FAM167A: variants seen among roughly 807,000 people sequenced by gnomAD.
FAM167A encodes family with sequence similarity 167 member A.
In FAM167A, 23 loss-of-function variants were observed where a neutral mutation model predicts 14.9. The ratio of observed to expected loss-of-function variants is 1.55; its 90% CI spans 1.11 to 2.19. FAM167A has a LOEUF of 2.19. Among genes scored for constraint, FAM167A ranks in the 30% most tolerant of loss-of-function variants. FAM167A has a pLI of 0.00. For synonymous variants in FAM167A, 174 were observed against 117.7 expected, an observed-to-expected ratio of 1.48 and a Z score of -3.10; for missense variants, 401 against 281.5, an observed-to-expected ratio of 1.42 and a Z score of -3.04.
intron 2 of FAM167A, chr8:11,435,082 G>A (rs959949097): frequency 2.2e-6 from 1 of 456,766 alleles, no homozygotes; most frequent in Non-Finnish European, 4.4e-6. Flanking sequence ...AGGTCTCCCT[G>A]CTTCTTCAAA....
chr8:11,425,671 C>A (rs181043853), intron 2 of FAM167A, among the ~76,000 whole-genome samples: 17 of 151,986 alleles, frequency 1.1e-4, no homozygotes, highest in Non-Finnish European at 2.4e-4. Context: ...TTGTTATACC[C>A]CCCCTTGCTG....
chr8:11,448,512 C>G (rs1167146337), intron 1 of FAM167A, among the ~76,000 whole-genome samples: 1 of 152,210 alleles, frequency 6.6e-6, no homozygotes, highest in Non-Finnish European at 1.5e-5. Context: ...CTGCACTGAG[C>G]AGACACTCTG....
intron 2 of FAM167A, among the ~76,000 whole-genome samples, chr8:11,437,866 C>A (rs1806139142): frequency 6.7e-6 from 1 of 148,356 alleles, no homozygotes; most frequent in Admixed American, 6.6e-5. Flanking sequence ...ATCTGGCTGC[C>A]AAGGAAGTGA....
intron 1 of FAM167A, among the ~76,000 whole-genome samples, chr8:11,454,952 T>C (rs1807170723): frequency 6.6e-6 from 1 of 151,590 alleles, no homozygotes; most frequent in East Asian, 1.9e-4. Context: ...CCATGGCAAC[T>C]GAGCAGGAGG....
At chr8:11,446,112 G>C (rs894417416) in intron 1 of FAM167A, among the ~76,000 whole-genome samples, 4 of 152,038 alleles carry the variant, frequency 2.6e-5, no homozygotes, top group Non-Finnish European at 5.9e-5. Context: ...GAGGATAGGA[G>C]GGAAAAGAAT....
intron 1 of FAM167A, among the ~76,000 whole-genome samples, chr8:11,461,883 GC>G (rs1380647061): frequency 6.6e-6 from 1 of 152,228 alleles, no homozygotes; most frequent in Admixed American, 6.5e-5. Context: ...CTGTGCTTAT[GC>G]CAACTGGGCA....
intron 2 of FAM167A, among the ~76,000 whole-genome samples, chr8:11,431,464 G>A (rs1298481942): frequency 1.3e-5 from 2 of 152,224 alleles, no homozygotes; most frequent in African/African-American, 4.8e-5. Flanking sequence ...ATGGATGGTG[G>A]TGACGGCTGC....
chr8:11,455,732 G>A (rs1310951383), intron 1 of FAM167A, among the ~76,000 whole-genome samples: 9 of 25,628 alleles, frequency 3.5e-4, no homozygotes, highest in Non-Finnish European at 8.6e-4. Flanking sequence ...TGTGAGTGTC[G>A]GGGGTGGTTG....
At position 11,422,697 on chromosome 8, in the gene FAM167A, A is replaced by C. The variant is rs1198664551; in HGVS notation, c.*1676T>G. 6.6e-6 allele frequency: 1 copy of C among 152,222 alleles called. No individual in the cohort carries two copies. Among genetic ancestry groups the C allele is most frequent in the East Asian group, 1.9e-4 (1 of 5,196 alleles). 9.4% of individuals were successfully genotyped at this position (152,222 alleles called of 1,614,324 possible). A position where few individuals can be genotyped will look rare whatever the true frequency, so the allele number is the denominator to read the frequency against. On this transcript the variant is annotated 3_prime_UTR_variant, in exon 3 of 3. Coordinates refer to ENST00000284486, the MANE Select transcript of FAM167A (RefSeq NM_053279.3). Reference sequence around the variant, plus strand: ...ATTTGCATTGTCCTACTCTCAGCCCACAAAAGAAAAGCAACCTCTCCCCTA... The same window carrying C: ...ATTTGCATTGTCCTACTCTCAGCCCCCAAAAGAAAAGCAACCTCTCCCCTA...
At chr8:11,427,913 G>C (rs934860854) in intron 2 of FAM167A, among the ~76,000 whole-genome samples, 1 of 152,162 alleles carries the variant, frequency 6.6e-6, no homozygotes, top group Non-Finnish European at 1.5e-5. Flanking sequence ...AGGGTGGCTG[G>C]TCATTTGTTT....
rs1251985006 is a variant in FAM167A, at chr8:11,444,507, C to T, written c.-96G>A. 4.7e-6 allele frequency: 7 copies of T among 1,486,184 alleles called. No individual in the cohort carries two copies. The East Asian group carries it at 1.2e-4, about 25-fold the overall frequency. The allele number at this position is 1,486,184 out of a possible 1,614,324, so 92.1% of individuals were successfully genotyped here. On this transcript the variant is annotated 5_prime_UTR_variant, in exon 2 of 3. Transcript: ENST00000284486. ...CAGTTGGGTCCCGCTCTGGGATGGCCTCATCCAGGTGCCCGAGGGCATTTC... is the reference window on the plus strand; with the variant it reads ...CAGTTGGGTCCCGCTCTGGGATGGCTTCATCCAGGTGCCCGAGGGCATTTC...
At chr8:11,465,026 G>T (rs768943865) in intron 1 of FAM167A, among the ~76,000 whole-genome samples, 9 of 152,196 alleles carry the variant, frequency 5.9e-5, no homozygotes, top group Non-Finnish European at 1.2e-4. Context: ...GAGTCTGGGG[G>T]CTCTGGGCAG....
At chr8:11,445,460 T>C (rs1018812932) in intron 1 of FAM167A, 3 of 985,696 alleles carry the variant, frequency 3.0e-6, no homozygotes, top group Non-Finnish European at 3.6e-6. Context: ...CCTGCAGCTG[T>C]GGAGGGAAGA....
intron 2 of FAM167A, among the ~76,000 whole-genome samples, chr8:11,428,270 G>A (rs572574848): frequency 6.6e-6 from 1 of 152,266 alleles, no homozygotes; most frequent in African/African-American, 2.4e-5. Context: ...GGAAGGAAGG[G>A]GCTGTTTTTC....
At position 11,423,980 on chromosome 8, in the gene FAM167A, G is replaced by C. The variant is rs1258302577; in HGVS notation, c.*393C>G. 1 of 210,434 alleles carries C rather than the reference G, an allele frequency of 4.8e-6. No individual in the cohort carries two copies. Among genetic ancestry groups the C allele is most frequent in the Non-Finnish European group, 9.6e-6 (1 of 103,724 alleles). 13.0% of individuals were successfully genotyped at this position (210,434 alleles called of 1,614,324 possible). ...GCCTAATTTCCCCCAAGGCCCTTGC[G>C]GGACAGCCTTCTGCAAAAATGACAG... On this transcript the variant is annotated 3_prime_UTR_variant, in exon 3 of 3. Transcript: ENST00000284486.
intron 2 of FAM167A, among the ~76,000 whole-genome samples, chr8:11,437,275 G>C (rs1020812307): frequency 2.0e-5 from 3 of 152,172 alleles, no homozygotes; most frequent in African/African-American, 7.2e-5. Context: ...AATGGGGATA[G>C]TAATCGTGCC....
At chr8:11,445,696 G>A (rs376619125) in intron 1 of FAM167A, 23 of 835,788 alleles carry the variant, frequency 2.8e-5, no homozygotes, top group East Asian at 1.2e-4. Context: ...CCAGTAAGAA[G>A]AGACCGCAGC....
intron 2 of FAM167A, among the ~76,000 whole-genome samples, chr8:11,436,007 C>G (rs1476883999): frequency 6.6e-6 from 1 of 152,194 alleles, no homozygotes; most frequent in African/African-American, 2.4e-5. Context: ...GGGTCCCTGC[C>G]AGAGCCTTTT....
chr8:11,467,789 A>G (rs1248116337), upstream of FAM167A, among the ~76,000 whole-genome samples: 1 of 152,236 alleles, frequency 6.6e-6, no homozygotes, highest in Admixed American at 6.5e-5. Context: ...GCAACTCCGC[A>G]TCCAGCCCTG....
Sources: gnomAD v4.1 joint callset for allele counts (sites outside exome capture counted in the v4.1 genomes callset) on GRCh38, gnomAD v4.1.1 for gene constraint, MANE v1.5 for transcripts, NCBI Gene and HGNC (gene_info 2026-07-23, HGNC 2026-07-21) for gene names.